Variants in RECQL observed in about 807,000 individuals in gnomAD.
RECQL encodes ATP-dependent DNA helicase Q1.
RECQL carries 73 observed loss-of-function variants against 75.8 expected under a neutral mutation model. The observed-to-expected ratio is 0.96, with a 90% CI of 0.80 to 1.17. The LOEUF (loss-of-function observed/expected upper bound fraction) is 1.17, where lower values mean the gene tolerates loss of function less well. Ranked by LOEUF, RECQL falls within the 50% of genes most tolerant of loss-of-function variation. The probability of loss-of-function intolerance (pLI) is 0.00; values close to 1 mark genes in which losing one functional copy is unlikely to be tolerated. For synonymous variants in RECQL, 248 were observed against 254.4 expected (o/e 0.97, Z 0.24); for missense variants, 699 against 772.1 (o/e 0.91, Z 1.12).
chr12:21,497,173 C>G (rs963305191), intron 2 of RECQL, among the ~76,000 whole-genome samples: 7 of 152,164 alleles, frequency 4.6e-5, no homozygotes, highest in Admixed American at 6.5e-5. Flanking sequence ...CCTCCATCAT[C>G]ACAATGGAAG....
chr12:21,498,327 T>C (rs780649093), intron 2 of RECQL, among the ~76,000 whole-genome samples: 2 of 152,162 alleles, frequency 1.3e-5, no homozygotes, highest in Non-Finnish European at 2.9e-5. Context: ...TTTCTCCCAT[T>C]GCCACGATTC....
In RECQL at chr12:21,478,016, G is replaced by C. The variant is rs771429015; in HGVS notation, c.701-47C>G. 2.7e-5 allele frequency: 41 copies of C among 1,530,344 alleles called. No homozygotes were observed. The Middle Eastern group carries it at 2.6e-3, about 98-fold the overall frequency. 94.8% of individuals were successfully genotyped at this position (1,530,344 alleles called of 1,614,324 possible). A position where few individuals can be genotyped will look rare whatever the true frequency, so the allele number is the denominator to read the frequency against. ...CCCTTTTTCTATCCTTTAAGAGTTA[G>C]AGTAAATTATATCTTTTAACATTAT... On this transcript the variant is annotated intron_variant, in intron 6 of 14. Coordinates refer to ENST00000444129, the MANE Select transcript of RECQL (RefSeq NM_002907.4).
At position 21,473,462 on chromosome 12, in the gene RECQL, A is replaced by G. The variant is rs1056226855; in HGVS notation, c.1447+89T>C. 7.3e-6 allele frequency: 7 copies of G among 953,234 alleles called. No homozygotes were observed. The African/African-American group carries it at 1.1e-4, about 16-fold the overall frequency. 59.0% of individuals were successfully genotyped at this position (953,234 alleles called of 1,614,324 possible). On this transcript the variant is annotated intron_variant, in intron 12 of 14. Transcript: ENST00000444129. ...TTGATGTTTGCACAATGACAAAATCACCTAGTGATGCATTTCTCAGAACGT... is the reference window on the plus strand; with the variant it reads ...TTGATGTTTGCACAATGACAAAATCGCCTAGTGATGCATTTCTCAGAACGT...
intron 2 of RECQL, among the ~76,000 whole-genome samples, chr12:21,498,528 C>A (rs1200003551): frequency 6.6e-6 from 1 of 152,146 alleles, no homozygotes; most frequent in Non-Finnish European, 1.5e-5. Context: ...TGCCACTTGG[C>A]CACTTTGGGT....
At chr12:21,485,330 GAA>G (rs58749568) in intron 5 of RECQL, among the ~76,000 whole-genome samples, 28 of 128,556 alleles carry the variant, frequency 2.2e-4, no homozygotes, top group Admixed American at 4.7e-4. Context: ...CCCCAGAACT[GAA>G]AAAAAAAAAA....
intron 3 of RECQL, 58 bp downstream of exon 3, chr12:21,491,459 CTA>C: frequency 6.8e-7 from 1 of 1,464,174 alleles, no homozygotes. Context: ...AGAATTCATT[CTA>C]GTTTTTTAAA....
intron 4 of RECQL, among the ~76,000 whole-genome samples, chr12:21,488,868 A>G (rs1264559482): frequency 6.6e-6 from 1 of 151,922 alleles, no homozygotes; most frequent in Non-Finnish European, 1.5e-5. Context: ...TAAAAATAAG[A>G]CTCTTTCCAC....
chr12:21,478,086 A>C (rs772037735), intron 6 of RECQL, 117 bp from the exon 7 acceptor site: 8 of 981,664 alleles, frequency 8.1e-6, no homozygotes, highest in African/African-American at 1.7e-5. Flanking sequence ...ACAGCCATCT[A>C]TAGCAGTAAA....
At chr12:21,475,060 C>A (rs1057386678) in intron 10 of RECQL, 81 bp from the exon 11 acceptor site, 1 of 1,418,260 alleles carries the variant, frequency 7.1e-7, no homozygotes, top group Non-Finnish European at 9.7e-7. Flanking sequence ...GTAAAATTAG[C>A]AGGCAATGTT....
Position 21,490,332 on chromosome 12 carries a change from A to G in RECQL, c.261T>C (p.Phe87=), listed in dbSNP as rs901787184. ...GKVKDILQNV[F]KLEKFRPLQL... ...GAAGTGGTCTGAACTTTTCCAGTTTAAAGACATTTTGCAGAATATCTTTAA... is the reference window on the plus strand; with the variant it reads ...GAAGTGGTCTGAACTTTTCCAGTTTGAAGACATTTTGCAGAATATCTTTAA... The change falls in exon 4 of 15, where the codon TTT becomes TTC. Residue 87 remains phenylalanine (F), a synonymous_variant. Transcript: ENST00000444129. 6.8e-6 allele frequency: 11 copies of G among 1,612,938 alleles called. No individual in the cohort carries two copies. The highest frequency in any genetic ancestry group is 9.3e-6 in the Non-Finnish European group (11 of 1,179,214).
chr12:21,495,519 C>G (rs1362714210), intron 2 of RECQL, among the ~76,000 whole-genome samples: 1 of 151,978 alleles, frequency 6.6e-6, no homozygotes, highest in African/African-American at 2.4e-5. Flanking sequence ...TGGTGTGAAC[C>G]CGGGAGCGGA....
intron 2 of RECQL, among the ~76,000 whole-genome samples, chr12:21,491,945 C>T (rs1404145900): frequency 6.6e-6 from 1 of 152,150 alleles, no homozygotes; most frequent in Non-Finnish European, 1.5e-5. Flanking sequence ...ATCCCCATTT[C>T]CCTTCCTGTA....
At chr12:21,498,048 G>A (rs1033557459) in intron 2 of RECQL, among the ~76,000 whole-genome samples, 3 of 152,148 alleles carry the variant, frequency 2.0e-5, no homozygotes, top group Non-Finnish European at 4.4e-5. Flanking sequence ...AGGAATTCAC[G>A]GAATTCCTAC....
At chr12:21,483,045 C>T (rs997400540) in intron 6 of RECQL, among the ~76,000 whole-genome samples, 1 of 151,892 alleles carries the variant, frequency 6.6e-6, no homozygotes, top group Non-Finnish European at 1.5e-5. Flanking sequence ...AAGATGTCCA[C>T]TATTGGCTAG....
Position 21,490,316 on chromosome 12 carries a change from T to C in RECQL, c.277A>G (p.Arg93Gly), listed in dbSNP as rs774829869. Residue 93 changes from arginine to glycine, a missense_variant, in exon 4 of 15, where the codon AGA (arginine) becomes GGA (glycine). By Grantham distance (125) the Arg-to-Gly change is moderately radical. Coordinates refer to ENST00000444129, the MANE Select transcript of RECQL (RefSeq NM_002907.4). ...TTAATAGTTTCAAGCTGAAGTGGTC[T>C]GAACTTTTCCAGTTTAAAGACATTT... ...LQNVFKLEKF[R>G]PLQLETINVT... is the part of the protein sequence containing the mutation. 1.2e-6 allele frequency: 2 copies of C among 1,613,112 alleles called. No individual in the cohort carries two copies. The highest frequency in any genetic ancestry group is 1.7e-6 in the Non-Finnish European group (2 of 1,179,274).
intron 12 of RECQL, 29 bp from the exon 13 acceptor site, chr12:21,471,676 A>C (rs761012528): frequency 4.5e-6 from 7 of 1,572,088 alleles, no homozygotes; most frequent in Non-Finnish European, 6.1e-6. Context: ...GGTAGCAGGT[A>C]ATTAGGATTT....
In RECQL at chr12:21,495,782, G is replaced by C. The variant is rs1017219560; in HGVS notation, c.16+3773C>G. ...TTTAAAAGGTAGAAATGAAGCAGTA[G>C]ACATATTTTCTGTATTTAAGAAAGT... On this transcript the variant is annotated intron_variant, in intron 2 of 14. Coordinates refer to ENST00000444129, the MANE Select transcript of RECQL (RefSeq NM_002907.4). Among the ~76,000 whole-genome samples the C allele has an allele frequency of 2.6e-5, 4 of 152,160 alleles. No homozygotes were observed. The South Asian group carries it at 8.3e-4, about 31-fold the overall frequency.
intron 2 of RECQL, among the ~76,000 whole-genome samples, chr12:21,499,136 T>G (rs2136784386): frequency 6.6e-6 from 1 of 152,376 alleles, no homozygotes; most frequent in Admixed American, 6.5e-5. Context: ...TGCCTTTATT[T>G]GGACACAAAT....
intron 14 of RECQL, 138 bp from the exon 15 acceptor site, chr12:21,470,484 C>G (rs974141250): frequency 9.8e-6 from 10 of 1,022,436 alleles, no homozygotes; most frequent in Non-Finnish European, 1.4e-5. Context: ...AGTTTTTTAT[C>G]TACAAATTTC....
Sources: allele counts gnomAD v4.1 joint callset (sites outside exome capture counted in the v4.1 genomes callset), GRCh38; gene constraint gnomAD v4.1.1; transcripts MANE v1.5; gene names NCBI Gene and HGNC (gene_info 2026-07-23, HGNC 2026-07-21).